OR56A1: variants seen among roughly 807,000 people sequenced by gnomAD.
The protein encoded by OR56A1 is olfactory receptor family 56 subfamily A member 1, also known as olfactory receptor 56A1.
For synonymous variants in OR56A1, 174 were observed against 159.1 expected, an observed-to-expected ratio of 1.09 and a Z score of -0.70; for missense variants, 360 against 380.9, an observed-to-expected ratio of 0.94 and a Z score of 0.46.
intron 1 of OR56A1, 163 bp from the exon 2 acceptor site, chr11:6,027,889 A>T: frequency 1.8e-6 from 1 of 554,946 alleles, no homozygotes; most frequent in Non-Finnish European, 3.2e-6. Flanking sequence ...TTGATAAATA[A>T]TGGTGTGGTC....
At chr11:6,032,090 A>G (rs1848518228), upstream of OR56A1, among the ~76,000 whole-genome samples, 1 of 152,136 alleles carries the variant, frequency 6.6e-6, no homozygotes, top group African/African-American at 2.4e-5. Context: ...TGTCATTGGT[A>G]ACCTGGCCAA....
Position 6,021,479 on chromosome 11 carries a change from G to C in OR56A1, c.*5269C>G, listed in dbSNP as rs967651019. The C allele has an allele frequency of 1.3e-4, 20 of 151,996 alleles. No individual in the cohort carries two copies. The highest frequency in any genetic ancestry group is 5.9e-5 in the Non-Finnish European group (4 of 67,960). The allele number at this position is 151,996 out of a possible 1,614,324, so 9.4% of individuals were successfully genotyped here. On this transcript the variant is annotated 3_prime_UTR_variant, in exon 2 of 2. Coordinates refer to ENST00000641900, the MANE Select transcript of OR56A1 (RefSeq NM_001388488.1). Reference sequence around the variant, plus strand: ...TACCCTGATCTGCTCACTACACGTTGTATGTAACTTCATAAATATGTATAA... The same window carrying C: ...TACCCTGATCTGCTCACTACACGTTCTATGTAACTTCATAAATATGTATAA...
At chr11:6,029,303 A>G (rs765599706) in intron 1 of OR56A1, among the ~76,000 whole-genome samples, 1 of 152,226 alleles carries the variant, frequency 6.6e-6, no homozygotes, top group Non-Finnish European at 1.5e-5. Flanking sequence ...TGTAAGACTT[A>G]TAAATAATGT....
rs1564815047 is a variant in OR56A1 at position 6,021,152 on chromosome 11, A to G, written c.*5596T>C. 6.6e-6 allele frequency: 1 copy of G among 152,136 alleles called. No individual in the cohort carries two copies. Among genetic ancestry groups the G allele is most frequent in the East Asian group, 1.9e-4 (1 of 5,198 alleles). 9.4% of individuals were successfully genotyped at this position (152,136 alleles called of 1,614,324 possible). A position where few individuals can be genotyped will look rare whatever the true frequency, so the allele number is the denominator to read the frequency against. ...CTAAGAAAATCCTTTGAGTGTGATC[A>G]CTAGCACATTGAACTGACCTGATAC... On this transcript the variant is annotated 3_prime_UTR_variant, in exon 2 of 2. Transcript: ENST00000641900.
intron 1 of OR56A1, among the ~76,000 whole-genome samples, chr11:6,028,708 T>C (rs1848482020): frequency 6.6e-6 from 1 of 152,030 alleles, no homozygotes; most frequent in African/African-American, 2.4e-5. Context: ...TAGTACAGCC[T>C]CAAAGGAAAA....
rs779768577 is a variant in OR56A1 at position 6,026,902 on chromosome 11, G to T, written c.791C>A (p.Thr264Lys). Reference protein sequence around the residue: ...FSTILLVVVLTNVARKKVPMD... With the variant: ...FSTILLVVVLKNVARKKVPMD... ...GGGGACCTTCTTTCTGGCCACGTTTGTCAACACCACAACCAGCAGTATGGT... is the reference window on the plus strand; with the variant it reads ...GGGGACCTTCTTTCTGGCCACGTTTTTCAACACCACAACCAGCAGTATGGT... Residue 264 changes from threonine (T) to lysine (K), a missense_variant, in exon 2 of 2, where the codon ACA becomes AAA. Thr to Lys is a moderately conservative substitution (Grantham distance 78). Transcript: ENST00000641900. 6.2e-6 allele frequency: 10 copies of T among 1,614,072 alleles called. No individual in the cohort carries two copies. The African/African-American group carries it at 1.1e-4, about 17-fold the overall frequency.
rs1399070814 is a variant in OR56A1 at position 6,025,111 on chromosome 11, A to T, written c.*1637T>A. The T allele has an allele frequency of 6.6e-6, 1 of 152,162 alleles. No individual in the cohort carries two copies. The highest frequency in any genetic ancestry group is 1.5e-5 in the Non-Finnish European group (1 of 68,054). The allele number at this position is 152,162 out of a possible 1,614,324, so 9.4% of individuals were successfully genotyped here. A position where few individuals can be genotyped will look rare whatever the true frequency, so the allele number is the denominator to read the frequency against. On this transcript the variant is annotated 3_prime_UTR_variant, in exon 2 of 2. Transcript: ENST00000641900. ...GCTATGAATGCTGCCTCTAAACATG[A>T]TGTCATGTTTCTCCACCCACCTGCA...
Position 6,027,342 on chromosome 11 carries a change from C to T in OR56A1, c.351G>A (p.Thr117=), listed in dbSNP as rs375596888. The T allele has an allele frequency of 6.9e-5, 112 of 1,614,204 alleles. No individual in the cohort carries two copies. Among genetic ancestry groups the T allele is most frequent in the African/African-American group, 3.7e-4 (28 of 75,054 alleles). Residue 117 remains threonine (T), a synonymous_variant, in exon 2 of 2, where the codon ACG becomes ACA. Coordinates refer to ENST00000641900, the MANE Select transcript of OR56A1 (RefSeq NM_001388488.1). ...AACGGTCATAGGCCATGACCATAAA[C>T]GTGCAGGACTCCATGGGGAGGAAAC... is the stretch of plus-strand genomic sequence containing the variant. ...MNSFLPMESC[T]FMVMAYDRYV...
chr11:6,028,442 C>T (rs577549958), intron 1 of OR56A1, among the ~76,000 whole-genome samples: 2 of 152,178 alleles, frequency 1.3e-5, no homozygotes, highest in South Asian at 2.1e-4. Flanking sequence ...TCCCAAATGT[C>T]TTCATTTTTT....
At position 6,022,449 on chromosome 11, in the gene OR56A1, T is replaced by G. The variant is rs1233668843; in HGVS notation, c.*4299A>C. The G allele has an allele frequency of 6.6e-6, 1 of 152,164 alleles. No homozygotes were observed. 9.4% of individuals were successfully genotyped at this position (152,164 alleles called of 1,614,324 possible). A position where few individuals can be genotyped will look rare whatever the true frequency, so the allele number is the denominator to read the frequency against. The stretch of plus-strand genomic sequence containing the variant: ...GGCCACTGTGCTATCATTGTTACAG[T>G]AGCTAACTTTAATTGCATTGACTAA... On this transcript the variant is annotated 3_prime_UTR_variant, in exon 2 of 2. Transcript: ENST00000641900.
Position 6,027,208 on chromosome 11 carries a change from A to G in OR56A1, c.485T>C (p.Ile162Thr), listed in dbSNP as rs1489425489. 17 of 1,614,106 alleles carry G rather than the reference A, an allele frequency of 1.1e-5. No individual in the cohort carries two copies. The highest frequency in any genetic ancestry group is 1.3e-5 in the African/African-American group (1 of 74,938). The change falls in exon 2 of 2, where the codon ATT (isoleucine) becomes ACT (threonine). Residue 162 changes from isoleucine (I) to threonine (T), a missense_variant. By Grantham distance (89) the Ile-to-Thr change is moderately conservative. Transcript: ENST00000641900. ...VVRNALLTAP[I>T]PILTSLLHYC... is the part of the protein sequence containing the mutation. ...ATGGAGCAGGGAAGTGAGGATAGGAATGGGTGCAGTAAGAAGCGCATTCCG... is the reference window on the plus strand; with the variant it reads ...ATGGAGCAGGGAAGTGAGGATAGGAGTGGGTGCAGTAAGAAGCGCATTCCG...
rs1323474996 is a variant in OR56A1 at position 6,024,448 on chromosome 11, T to C, written c.*2300A>G. On this transcript the variant is annotated 3_prime_UTR_variant, in exon 2 of 2. Transcript: ENST00000641900. ...CTCCTCTTTGAGTTCATTCTGGGCT[T>C]GCTTCCGGGTGAAATCATGGCAGAT... 2 of 152,222 alleles carry C rather than the reference T, an allele frequency of 1.3e-5. No homozygotes were observed. Among genetic ancestry groups the C allele is most frequent in the Non-Finnish European group, 2.9e-5 (2 of 68,046 alleles). 9.4% of individuals were successfully genotyped at this position (152,222 alleles called of 1,614,324 possible). A position where few individuals can be genotyped will look rare whatever the true frequency, so the allele number is the denominator to read the frequency against.
upstream of OR56A1, among the ~76,000 whole-genome samples, chr11:6,032,672 C>G (rs185665273): frequency 2.0e-5 from 3 of 152,164 alleles, no homozygotes; most frequent in Non-Finnish European, 4.4e-5. Flanking sequence ...TAGAGGGAAG[C>G]GGGGCATGGC....
At chr11:6,031,018 A>G (rs1848506919), upstream of OR56A1, among the ~76,000 whole-genome samples, 1 of 152,178 alleles carries the variant, frequency 6.6e-6, no homozygotes, top group South Asian at 2.1e-4. Flanking sequence ...AAATTTCTGA[A>G]CTCAACCCTA....
At chr11:6,034,034 A>G (rs1278422282), upstream of OR56A1, among the ~76,000 whole-genome samples, 1 of 152,132 alleles carries the variant, frequency 6.6e-6, no homozygotes. Flanking sequence ...ATGAAGCCCA[A>G]TCTTTCACTT....
chr11:6,029,666 T>A (rs183947138), intron 1 of OR56A1, among the ~76,000 whole-genome samples: 1 of 152,324 alleles, frequency 6.6e-6, no homozygotes, highest in Non-Finnish European at 1.5e-5. Flanking sequence ...ACTTCTAGTT[T>A]ACCTTGTACC....
In OR56A1 at chr11:6,025,498, C is replaced by T. The variant is rs534337695; in HGVS notation, c.*1250G>A. The T allele has an allele frequency of 6.6e-6, 1 of 152,374 alleles. No individual in the cohort carries two copies. Among genetic ancestry groups the T allele is most frequent in the African/African-American group, 2.4e-5 (1 of 41,572 alleles). The allele number at this position is 152,374 out of a possible 1,614,324, so 9.4% of individuals were successfully genotyped here. A position where few individuals can be genotyped will look rare whatever the true frequency, so the allele number is the denominator to read the frequency against. On this transcript the variant is annotated 3_prime_UTR_variant, in exon 2 of 2. Transcript: ENST00000641900. ...TTGGAAGTGGAATTGATTCTAGTCT[C>T]CAGATTGGTTGGTTGGTTGATTGGT...
Position 6,027,734 on chromosome 11 carries a change from T to A in OR56A1, c.-34-8A>T. 7.0e-7 allele frequency: 1 copy of A among 1,423,142 alleles called. No homozygotes were observed. Among genetic ancestry groups the A allele is most frequent in the African/African-American group, 1.4e-5 (1 of 69,878 alleles). 88.2% of individuals were successfully genotyped at this position (1,423,142 alleles called of 1,614,324 possible). ...TGAGTAGGCTTCTGATGACTATGTT[T>A]ATGGGCAGATACAAGAGGTTATTTT... is the stretch of plus-strand genomic sequence containing the variant. On this transcript the variant is annotated splice_polypyrimidine_tract_variant and splice_region_variant and intron_variant, in intron 1 of 1. Transcript: ENST00000641900.
At chr11:6,031,293 AT>A (rs1170567919), upstream of OR56A1, among the ~76,000 whole-genome samples, 1 of 152,158 alleles carries the variant, frequency 6.6e-6, no homozygotes, top group Non-Finnish European at 1.5e-5. Context: ...TCTTAAGTAC[AT>A]TTTCTATGCT....
Sources: gnomAD v4.1 joint callset for allele counts (sites outside exome capture counted in the v4.1 genomes callset) on GRCh38, gnomAD v4.1.1 for gene constraint, MANE v1.5 for transcripts, NCBI Gene and HGNC (gene_info 2026-07-23, HGNC 2026-07-21) for gene names.